Variants in BMP2K observed in about 807,000 individuals in gnomAD.
The protein encoded by BMP2K is BMP2 inducible kinase.
In BMP2K, 74 loss-of-function variants were observed where a neutral mutation model predicts 116.0. That is an observed-to-expected ratio of 0.64 (90% confidence interval 0.53 to 0.77). BMP2K has a LOEUF of 0.77. Among genes scored for constraint, BMP2K ranks in the 30% least tolerant of loss-of-function variants. BMP2K has a pLI of 0.00. For synonymous variants in BMP2K, 486 were observed against 502.5 expected, an observed-to-expected ratio of 0.97 and a Z score of 0.44; for missense variants, 1,365 against 1,403.6, an observed-to-expected ratio of 0.97 and a Z score of 0.44.
intron 1 of BMP2K, among the ~76,000 whole-genome samples, chr4:78,814,719 G>A (rs1729248781): frequency 6.6e-6 from 1 of 151,860 alleles, no homozygotes; most frequent in African/African-American, 2.4e-5. Flanking sequence ...CCAGCCTTGG[G>A]TATGTCTTTA....
At chr4:78,837,167 A>C (rs920181776) in intron 3 of BMP2K, among the ~76,000 whole-genome samples, 1 of 150,882 alleles carries the variant, frequency 6.6e-6, no homozygotes, top group Non-Finnish European at 1.5e-5. Flanking sequence ...TATTTCTATT[A>C]TATTATTTTT....
In BMP2K at chr4:78,872,654, T is replaced by C; in HGVS notation, c.1649T>C (p.Leu550Pro). ...YQQAFFQQQMLAQHQPSQQQA... is the reference protein window; with the variant it reads ...YQQAFFQQQMPAQHQPSQQQA... ...CAGGCTTTCTTTCAACAGCAGATGC[T>C]AGCTCAACATCAGCCGTCTCAACAA... The change falls in exon 13 of 16, where the codon CTA (leucine) becomes CCA (proline). Residue 550 changes from leucine to proline, a missense_variant. By Grantham distance (98) the Leu-to-Pro change is moderately conservative (BLOSUM62 -3). Coordinates refer to ENST00000502613, the MANE Select transcript of BMP2K (RefSeq NM_198892.2). 1 of 1,614,122 alleles carries C rather than the reference T, an allele frequency of 6.2e-7. No individual in the cohort carries two copies. Among genetic ancestry groups the C allele is most frequent in the Admixed American group, 1.7e-5 (1 of 60,018 alleles).
intron 15 of BMP2K, among the ~76,000 whole-genome samples, chr4:78,898,289 T>G (rs1349100880): frequency 1.3e-5 from 2 of 152,078 alleles, no homozygotes; most frequent in African/African-American, 4.8e-5. Context: ...TTACATTACA[T>G]AGAGCAAATA....
chr4:78,776,443 A>G lies in BMP2K; in HGVS notation c.-101A>G. ...GCTTGGCGGGCCGCAGCACGCTCGG[A>G]CGGGCCAGGGGCGGCGACCCCTCGC... On this transcript the variant is annotated 5_prime_UTR_variant, in exon 1 of 16. Transcript: ENST00000502613. 9.4e-7 allele frequency: 1 copy of G among 1,060,510 alleles called. No individual in the cohort carries two copies. Among genetic ancestry groups the G allele is most frequent in the Non-Finnish European group, 1.1e-6 (1 of 872,258 alleles). 65.7% of individuals were successfully genotyped at this position (1,060,510 alleles called of 1,614,324 possible). A position where few individuals can be genotyped will look rare whatever the true frequency, so the allele number is the denominator to read the frequency against.
At chr4:78,871,585 G>A (rs1560538748) in intron 11 of BMP2K, among the ~76,000 whole-genome samples, 1 of 152,188 alleles carries the variant, frequency 6.6e-6, no homozygotes, top group Non-Finnish European at 1.5e-5. Context: ...CTAGGAAAAG[G>A]TAGTAAATGT....
chr4:78,866,497 C>G (rs1732056865), intron 10 of BMP2K, among the ~76,000 whole-genome samples: 1 of 152,046 alleles, frequency 6.6e-6, no homozygotes, highest in African/African-American at 2.4e-5. Flanking sequence ...TCTAAAAGTA[C>G]TAGTACCTAT....
At chr4:78,873,225 CAT>C (rs1289171031) in intron 13 of BMP2K, among the ~76,000 whole-genome samples, 2 of 152,120 alleles carry the variant, frequency 1.3e-5, no homozygotes, top group African/African-American at 4.8e-5. Flanking sequence ...TAGGTATAAA[CAT>C]TTTTACATAT....
chr4:78,874,175 T>TCA (rs148882911), intron 13 of BMP2K, among the ~76,000 whole-genome samples: 2,289 of 148,384 alleles, frequency 0.015, 21 homozygotes, highest in South Asian at 0.028. Context: ...AGACTCCATC[T>TCA]CACACACACA....
chr4:78,858,372 G>A (rs1161230090), intron 7 of BMP2K, among the ~76,000 whole-genome samples: 1 of 151,800 alleles, frequency 6.6e-6, no homozygotes, highest in Non-Finnish European at 1.5e-5. Context: ...GAATTAAAAT[G>A]TTTTTAGTTA....
intron 7 of BMP2K, among the ~76,000 whole-genome samples, chr4:78,855,181 A>T (rs1309055429): frequency 6.6e-6 from 1 of 152,162 alleles, no homozygotes; most frequent in Non-Finnish European, 1.5e-5. Flanking sequence ...ATATACTAAG[A>T]TATGTAGGAC....
At chr4:78,842,338 CTT>C (rs774623885) in intron 3 of BMP2K, 45 bp from the exon 4 acceptor site, 1 of 1,504,676 alleles carries the variant, frequency 6.6e-7, no homozygotes, top group South Asian at 1.3e-5. Flanking sequence ...TTGTGATAGA[CTT>C]TATTTATTAA....
intron 1 of BMP2K, among the ~76,000 whole-genome samples, chr4:78,799,515 G>A (rs1037456452): frequency 1.3e-5 from 2 of 152,164 alleles, no homozygotes; most frequent in Admixed American, 6.5e-5. Flanking sequence ...AAGTGTATAA[G>A]AATTTGTGTT....
At chr4:78,811,849 C>G (rs1407486839) in intron 1 of BMP2K, among the ~76,000 whole-genome samples, 1 of 152,198 alleles carries the variant, frequency 6.6e-6, no homozygotes, top group Admixed American at 6.5e-5. Flanking sequence ...TTTCCCTCCT[C>G]CATCAAAAAC....
At position 78,852,661 on chromosome 4, in the gene BMP2K, G is replaced by A. The variant is rs566438473; in HGVS notation, c.883+1605G>A. Among the ~76,000 whole-genome samples the A allele has an allele frequency of 3.3e-5, 5 of 152,238 alleles. No homozygotes were observed. The East Asian group carries it at 9.6e-4, about 29-fold the overall frequency. ...ATTCTGTGGCCCAGGACCTGCTGGA[G>A]TACAGTGTTGTGATCATAGCTTACT... On this transcript the variant is annotated intron_variant, in intron 7 of 15. Coordinates refer to ENST00000502613, the MANE Select transcript of BMP2K (RefSeq NM_198892.2).
intron 6 of BMP2K, among the ~76,000 whole-genome samples, chr4:78,849,193 A>G (rs1044991727): frequency 2.0e-5 from 3 of 151,438 alleles, no homozygotes; most frequent in African/African-American, 7.3e-5. Flanking sequence ...TAGAAAATTC[A>G]TTAATAGGTA....
At chr4:78,786,123 G>A (rs62310795) in intron 1 of BMP2K, among the ~76,000 whole-genome samples, 1 of 152,034 alleles carries the variant, frequency 6.6e-6, no homozygotes, top group East Asian at 1.9e-4. Context: ...GACTCCTCCC[G>A]CAATTCATAT....
intron 15 of BMP2K, among the ~76,000 whole-genome samples, chr4:78,900,589 C>G (rs566755257): frequency 3.8e-4 from 58 of 152,302 alleles, no homozygotes; most frequent in African/African-American, 1.4e-3. Context: ...TATTCACAGT[C>G]TGGTTCAGTC....
chr4:78,834,288 GTCTCGC>G (rs1327591021), intron 3 of BMP2K, among the ~76,000 whole-genome samples: 1 of 147,610 alleles, frequency 6.8e-6, no homozygotes, highest in Non-Finnish European at 1.5e-5. Flanking sequence ...TTGAGACGGA[GTCTCGC>G]TCTGTCGCCC....
chr4:78,776,511 G>A lies in BMP2K; in HGVS notation c.-33G>A. The A allele has an allele frequency of 1.8e-6, 2 of 1,131,840 alleles. No homozygotes were observed. Among genetic ancestry groups the A allele is most frequent in the Admixed American group, 4.9e-5 (1 of 20,564 alleles). The allele number at this position is 1,131,840 out of a possible 1,614,324, so 70.1% of individuals were successfully genotyped here. On this transcript the variant is annotated 5_prime_UTR_variant, in exon 1 of 16. Transcript: ENST00000502613. The stretch of plus-strand genomic sequence containing the variant: ...CCGGGCCGGGGACTTGCCCTTGCAC[G>A]CTCCCTGCGCCCTCCAGCTCGCCGG...
Sources: gnomAD v4.1 joint callset for allele counts (sites outside exome capture counted in the v4.1 genomes callset) on GRCh38, gnomAD v4.1.1 for gene constraint, MANE v1.5 for transcripts, NCBI Gene and HGNC (gene_info 2026-07-23, HGNC 2026-07-21) for gene names.